ZNF442: variants seen among roughly 807,000 people sequenced by gnomAD.
ZNF442 encodes the protein zinc finger protein 442.
In ZNF442, 45 loss-of-function variants were observed where a neutral mutation model predicts 57.0. The ratio of observed to expected loss-of-function variants is 0.79; its 90% CI spans 0.62 to 1.01. The LOEUF (loss-of-function observed/expected upper bound fraction) is 1.01. Ranked by LOEUF, ZNF442 falls within the 50% of genes least tolerant of loss-of-function variation. The pLI is 0.00. For synonymous variants in ZNF442, 213 were observed against 241.8 expected (o/e 0.88, Z 1.10); for missense variants, 690 against 756.5 (o/e 0.91, Z 1.03).
upstream of ZNF442, among the ~76,000 whole-genome samples, chr19:12,367,659 A>G (rs887548938): frequency 2.6e-5 from 4 of 150,966 alleles, no homozygotes; most frequent in African/African-American, 9.9e-5. Context: ...CAGGGTCTCA[A>G]TTATTATTAT....
intron 3 of ZNF442, among the ~76,000 whole-genome samples, chr19:12,354,006 G>T (rs1231458751): frequency 6.6e-6 from 1 of 152,044 alleles, no homozygotes; most frequent in Non-Finnish European, 1.5e-5. Flanking sequence ...CTTGACTTTG[G>T]ACTTCCCAGC....
At chr19:12,357,047 T>C (rs1184560475) in intron 3 of ZNF442, among the ~76,000 whole-genome samples, 3 of 152,210 alleles carry the variant, frequency 2.0e-5, no homozygotes, top group Non-Finnish European at 4.4e-5. Flanking sequence ...GTGTGAGGAC[T>C]TGGTGACCCA....
intron 3 of ZNF442, among the ~76,000 whole-genome samples, chr19:12,354,420 T>C (rs1969291889): frequency 6.6e-6 from 1 of 152,222 alleles, no homozygotes. Context: ...CTCATGAATA[T>C]CGATAATATT....
intron 2 of ZNF442, among the ~76,000 whole-genome samples, chr19:12,364,519 G>T (rs1969498663): frequency 6.6e-6 from 1 of 152,068 alleles, no homozygotes; most frequent in Admixed American, 6.6e-5. Flanking sequence ...GGGCGGAGGA[G>T]GGAGGAGTTC....
rs776879828 is a variant in ZNF442 at position 12,348,785 on chromosome 19, T to G, written c.*916A>C. ...GTAATCAGCATCATCATGATCATGATCATCATCATCATCCTTGGGTTATCA... is the reference window on the plus strand; with the variant it reads ...GTAATCAGCATCATCATGATCATGAGCATCATCATCATCCTTGGGTTATCA... On this transcript the variant is annotated 3_prime_UTR_variant, in exon 6 of 6. Coordinates refer to ENST00000242804, the MANE Select transcript of ZNF442 (RefSeq NM_030824.3). The G allele has an allele frequency of 6.6e-6, 1 of 152,060 alleles. No individual in the cohort carries two copies. The highest frequency in any genetic ancestry group is 1.5e-5 in the Non-Finnish European group (1 of 68,014). 9.4% of individuals were successfully genotyped at this position (152,060 alleles called of 1,614,324 possible). A position where few individuals can be genotyped will look rare whatever the true frequency, so the allele number is the denominator to read the frequency against.
intron 3 of ZNF442, among the ~76,000 whole-genome samples, chr19:12,356,616 A>G (rs1384896332): frequency 6.7e-6 from 1 of 148,672 alleles, no homozygotes; most frequent in Non-Finnish European, 1.5e-5. Flanking sequence ...AACAAGAGTG[A>G]AACTCCGTCT....
upstream of ZNF442, among the ~76,000 whole-genome samples, chr19:12,367,837 T>A (rs1969550925): frequency 6.6e-6 from 1 of 151,880 alleles, no homozygotes; most frequent in Non-Finnish European, 1.5e-5. Context: ...CCCGGCTAAT[T>A]TTTTGTATTT....
At chr19:12,351,539 C>T (rs1037851745) in intron 5 of ZNF442, among the ~76,000 whole-genome samples, 2 of 152,164 alleles carry the variant, frequency 1.3e-5, no homozygotes, top group Admixed American at 6.5e-5. Context: ...TGGAGTCTCG[C>T]TCTGTCGCCA....
In ZNF442 at chr19:12,351,242, G is replaced by T. The variant is rs751143115; in HGVS notation, c.343C>A (p.Pro115Thr). ...TVNEKPPGVDPCKSSVCGEIM... is the reference protein window; with the variant it reads ...TVNEKPPGVDTCKSSVCGEIM... ...TCTCCACACACACTGCTTTTACATGGATCTACTCCAGGAGGTTTTTCATTC... is the reference window on the plus strand; with the variant it reads ...TCTCCACACACACTGCTTTTACATGTATCTACTCCAGGAGGTTTTTCATTC... The change falls in exon 6 of 6, where the codon CCA becomes ACA. Residue 115 changes from proline (P) to threonine (T), a missense_variant. Coordinates refer to ENST00000242804, the MANE Select transcript of ZNF442 (RefSeq NM_030824.3). The T allele has an allele frequency of 6.2e-7, 1 of 1,614,132 alleles. No individual in the cohort carries two copies. Among genetic ancestry groups the T allele is most frequent in the South Asian group, 1.1e-5 (1 of 91,074 alleles).
upstream of ZNF442, among the ~76,000 whole-genome samples, chr19:12,368,761 G>A (rs1041518586): frequency 3.9e-4 from 60 of 152,184 alleles, no homozygotes; most frequent in African/African-American, 1.3e-3. Context: ...AAGAAATCTC[G>A]TTCCCTCTTA....
At position 12,352,991 on chromosome 19, in the gene ZNF442, T is replaced by C. The variant is rs1969269223; in HGVS notation, c.202A>G (p.Ile68Val). The C allele has an allele frequency of 1.2e-6, 2 of 1,605,236 alleles. No individual in the cohort carries two copies. Among genetic ancestry groups the C allele is most frequent in the Non-Finnish European group, 1.7e-6 (2 of 1,177,698 alleles). Residue 68 changes from isoleucine to valine, a missense_variant, in exon 4 of 6, where the codon ATA becomes GTA. Coordinates refer to ENST00000242804, the MANE Select transcript of ZNF442 (RefSeq NM_030824.3). ...GAAGACATAATGTCATTTTTACCTATACAGTCCAGGTTCCTAATGGTTTCC... is the reference window on the plus strand; with the variant it reads ...GAAGACATAATGTCATTTTTACCTACACAGTCCAGGTTCCTAATGGTTTCC... ...MWETIRNLDC[I>V]GMKWEDTNIE...
At chr19:12,366,194 C>T (rs1216527419), upstream of ZNF442, among the ~76,000 whole-genome samples, 2 of 152,164 alleles carry the variant, frequency 1.3e-5, no homozygotes, top group Admixed American at 6.5e-5. Flanking sequence ...AATAAAAACA[C>T]ATCAACAATG....
chr19:12,363,995 C>G (rs1969486232), intron 2 of ZNF442, among the ~76,000 whole-genome samples: 1 of 152,164 alleles, frequency 6.6e-6, no homozygotes, highest in Non-Finnish European at 1.5e-5. Context: ...GGTATCCGTA[C>G]CCAGGGGAAA....
chr19:12,353,088 C>A lies in ZNF442; in HGVS notation c.105G>T (p.Ala35=), dbSNP rs10405079. ...QYDSVAFEDV[A]VNFTQEEWAL... ...CCCACTCTTCCTGGGTGAAGTTCACCGCCACATCCTCAAAGGCTACTGAAT... is the reference window on the plus strand; with the variant it reads ...CCCACTCTTCCTGGGTGAAGTTCACAGCCACATCCTCAAAGGCTACTGAAT... Residue 35 remains alanine, a synonymous_variant, in exon 4 of 6, where the codon GCG becomes GCT. Transcript: ENST00000242804. 2 of 1,613,074 alleles carry A rather than the reference C, an allele frequency of 1.2e-6. No homozygotes were observed. The highest frequency in any genetic ancestry group is 1.7e-5 in the Admixed American group (1 of 59,830).
At chr19:12,364,674 TC>T (rs1969501053) in intron 2 of ZNF442, 127 bp downstream of exon 2, 1 of 152,030 alleles carries the variant, frequency 6.6e-6, no homozygotes, top group African/African-American at 2.4e-5. Context: ...TCTGAAAAAC[TC>T]GAAGAGGAAT....
At chr19:12,357,890 T>C (rs1969359705) in intron 3 of ZNF442, among the ~76,000 whole-genome samples, 2 of 151,484 alleles carry the variant, frequency 1.3e-5, no homozygotes, top group African/African-American at 4.9e-5. Context: ...TCCTAGAGTC[T>C]CCACTGACCA....
intron 3 of ZNF442, among the ~76,000 whole-genome samples, chr19:12,355,192 G>A (rs1299584502): frequency 6.7e-6 from 1 of 150,244 alleles, no homozygotes. Context: ...TCGGGAGGCT[G>A]AGGCAGGAGA....
Position 12,350,388 on chromosome 19 carries a change from G to A in ZNF442, c.1197C>T (p.His399=), listed in dbSNP as rs1245836669. 4 of 1,613,726 alleles carry A rather than the reference G, an allele frequency of 2.5e-6. No individual in the cohort carries two copies. The African/African-American group carries it at 4.0e-5, about 16-fold the overall frequency. Residue 399 remains histidine, a synonymous_variant, in exon 6 of 6, where the codon CAC becomes CAT. Coordinates refer to ENST00000242804, the MANE Select transcript of ZNF442 (RefSeq NM_030824.3). ...TGCATTTGTGAGGTCCATCTCCAGT[G>A]TGCATTATCATATGACTTCGAAAGC... ...HSSFRSHMIM[H]TGDGPHKCKV...
upstream of ZNF442, among the ~76,000 whole-genome samples, chr19:12,370,642 A>C (rs1012082887): frequency 1.2e-4 from 18 of 152,176 alleles, no homozygotes; most frequent in African/African-American, 4.3e-4. Context: ...ACCTAAAGAT[A>C]AACAGACTAG....
Sources: gnomAD v4.1 joint callset for allele counts (sites outside exome capture counted in the v4.1 genomes callset) on GRCh38, gnomAD v4.1.1 for gene constraint, MANE v1.5 for transcripts, NCBI Gene and HGNC (gene_info 2026-07-23, HGNC 2026-07-21) for gene names.